Variants in TASP1 observed in about 807,000 individuals in gnomAD.
The protein encoded by TASP1 is taspase 1.
Under a neutral mutation model 56.6 loss-of-function variants are expected in TASP1, and 16 were observed. The observed-to-expected ratio is 0.28, with a 90% confidence interval of 0.19 to 0.43. The LOEUF (loss-of-function observed/expected upper bound fraction) is 0.43. TASP1 is among the 20% of genes least tolerant of loss of function. The pLI, the probability that TASP1 is intolerant of heterozygous loss-of-function variation, is 1.00. For missense variants in TASP1, 393 were observed against 511.6 expected (o/e 0.77, Z 2.24); for synonymous variants, 179 against 184.2 (o/e 0.97, Z 0.23).
At chr20:13,220,314 G>C in the TASP1 span, among the ~76,000 whole-genome samples, 2 of 152,242 alleles carry the variant, frequency 1.3e-5, no homozygotes. Flanking sequence ...GTTCGCTCTA[G>C]CATCTGACGC....
At chr20:13,543,637 C>G (rs1463340283) in intron 8 of TASP1, among the ~76,000 whole-genome samples, 2 of 152,122 alleles carry the variant, frequency 1.3e-5, no homozygotes, top group African/African-American at 4.8e-5. Context: ...CCCGACCAAA[C>G]AGGAGGCCCT....
intron 8 of TASP1, among the ~76,000 whole-genome samples, chr20:13,536,817 T>C (rs552430202): frequency 6.6e-6 from 1 of 152,124 alleles, no homozygotes; most frequent in Non-Finnish European, 1.5e-5. Flanking sequence ...GTTATGTCTC[T>C]TTTTTACATT....
chr20:13,151,250 C>T, the TASP1 span, among the ~76,000 whole-genome samples: 2 of 152,318 alleles, frequency 1.3e-5, no homozygotes, highest in South Asian at 4.1e-4. Context: ...ACCATCCTCT[C>T]TAAATTTTTC....
the TASP1 span, among the ~76,000 whole-genome samples, chr20:13,258,301 C>T: frequency 6.6e-6 from 1 of 152,116 alleles, no homozygotes; most frequent in African/African-American, 2.4e-5. Flanking sequence ...TCCAACCCCA[C>T]AGCTCTCTCT....
At chr20:13,152,772 C>T in the TASP1 span, among the ~76,000 whole-genome samples, 4 of 152,280 alleles carry the variant, frequency 2.6e-5, no homozygotes, top group African/African-American at 9.6e-5. Context: ...CAGTATGGTT[C>T]TCTGGAGGAG....
intron 4 of TASP1, among the ~76,000 whole-genome samples, chr20:13,587,764 C>T (rs1311017480): frequency 6.6e-6 from 1 of 151,432 alleles, no homozygotes; most frequent in African/African-American, 2.4e-5. Context: ...CTGACAAAAT[C>T]CAACACCCTT....
chr20:13,203,466 C>T, the TASP1 span, among the ~76,000 whole-genome samples: 1 of 152,190 alleles, frequency 6.6e-6, no homozygotes, highest in African/African-American at 2.4e-5. Context: ...ACTTTAGGAT[C>T]TTGTTCAGAT....
chr20:13,451,377 C>T (rs1352649466), intron 11 of TASP1, among the ~76,000 whole-genome samples: 3 of 152,132 alleles, frequency 2.0e-5, no homozygotes, highest in Admixed American at 6.6e-5. Context: ...TCCTAGATGG[C>T]ATCATCTTCC....
At chr20:13,374,346 G>A in the TASP1 span, among the ~76,000 whole-genome samples, 51 of 127,368 alleles carry the variant, frequency 4.0e-4, no homozygotes, top group Non-Finnish European at 7.2e-4. Flanking sequence ...TTGCTGTCTC[G>A]TAATTTTTTT....
chr20:13,493,644 T>C (rs1013302846), intron 10 of TASP1, among the ~76,000 whole-genome samples: 3 of 152,176 alleles, frequency 2.0e-5, no homozygotes, highest in Non-Finnish European at 4.4e-5. Flanking sequence ...ACTGAGCCAC[T>C]ACTGGATTCT....
intron 10 of TASP1, among the ~76,000 whole-genome samples, chr20:13,501,753 G>A (rs1457278662): frequency 6.6e-6 from 1 of 151,836 alleles, no homozygotes; most frequent in African/African-American, 2.4e-5. Flanking sequence ...TAATAAATGG[G>A]AGACCCAATT....
intron 12 of TASP1, among the ~76,000 whole-genome samples, chr20:13,428,513 T>A (rs1167622063): frequency 6.6e-6 from 1 of 152,218 alleles, no homozygotes; most frequent in Non-Finnish European, 1.5e-5. Context: ...CATTGGCTTA[T>A]TTTTTCTCTA....
At chr20:13,387,184 A>ATT (rs779048448), downstream of TASP1, among the ~76,000 whole-genome samples, 200 of 70,702 alleles carry the variant, frequency 2.8e-3, 15 homozygotes, top group Admixed American at 4.5e-3. Flanking sequence ...ACATGATTTC[A>ATT]TTTTTTTTTT....
intron 4 of TASP1, among the ~76,000 whole-genome samples, chr20:13,606,136 CGTGTGTGT>C (rs33951824): frequency 6.6e-6 from 1 of 150,524 alleles, no homozygotes; most frequent in East Asian, 2.0e-4. Context: ...TGTGTGCGTG[CGTGTGTGT>C]GTGTGTGTGT....
chr20:13,252,770 G>A, the TASP1 span, among the ~76,000 whole-genome samples: 1 of 151,934 alleles, frequency 6.6e-6, no homozygotes, highest in African/African-American at 2.4e-5. Context: ...AAAAAAAGAG[G>A]AGCCATCTTA....
chr20:13,465,884 G>A (rs6042135), intron 11 of TASP1, among the ~76,000 whole-genome samples: 113,044 of 151,850 alleles, frequency 0.74, 42,991 homozygotes, highest in African/African-American at 0.91. Context: ...AAGGGGGAAC[G>A]TGAGGGATTC....
At chr20:13,166,829 G>C in the TASP1 span, 8 of 152,186 alleles carry the variant, frequency 5.3e-5, no homozygotes, top group Non-Finnish European at 1.2e-4. Context: ...CCCTAGACAT[G>C]TGTCTTCATG....
At chr20:13,626,270 C>T (rs1488939369) in intron 2 of TASP1, among the ~76,000 whole-genome samples, 1 of 151,890 alleles carries the variant, frequency 6.6e-6, no homozygotes, top group African/African-American at 2.4e-5. Context: ...CCTAAAAATA[C>T]AAAAAAAGTA....
chr20:13,299,499 G>C, the TASP1 span: 1 of 1,559,916 alleles, frequency 6.4e-7, no homozygotes, highest in South Asian at 1.2e-5. This position sits in a 1 kb window ranked among gnomAD's most constrained non-coding sequence, Gnocchi z 5.8. Flanking sequence ...CTCTGGTTCT[G>C]GAGCACACAC....
Sources: allele counts gnomAD v4.1 joint callset (sites outside exome capture counted in the v4.1 genomes callset), GRCh38; gene constraint gnomAD v4.1.1; non-coding constraint Gnocchi (gnomAD v3.1); transcripts MANE v1.5; gene names NCBI Gene and HGNC (gene_info 2026-07-23, HGNC 2026-07-21).